Variants in ITIH6 observed in about 807,000 individuals in gnomAD.
The protein encoded by ITIH6 is inter-alpha-trypsin inhibitor heavy chain H6.
A neutral mutation model predicts 58.2 loss-of-function variants in ITIH6; 60 were observed. The ratio of observed to expected loss-of-function variants is 1.03; its 90% CI spans 0.84 to 1.28. ITIH6 has a LOEUF of 1.28. ITIH6 is among the 50% of genes most tolerant of loss of function. The pLI is 0.00. For missense variants in ITIH6, 1,290 were observed against 1,021.1 expected, an observed-to-expected ratio of 1.26 and a Z score of -3.59; for synonymous variants, 493 against 417.4, an observed-to-expected ratio of 1.18 and a Z score of -2.21.
chrX:54,760,005 G>A, intron 6 of ITIH6, 78 bp from the exon 7 acceptor site: 1 of 783,958 alleles, frequency 1.3e-6, no homozygotes, highest in Non-Finnish European at 1.9e-6. Flanking sequence ...TCTACACAAG[G>A]CATTAACATC....
rs763491764 is a variant in ITIH6, at chrX:54,790,385, G to C, written c.616+452C>G. ...CATTTGAAGCAAACTTCTGAGGCAG[G>C]ATGCTTCTCTTCCCTCCAGGGCCTG... On this transcript the variant is annotated intron_variant, in intron 4 of 12. Coordinates refer to ENST00000218436, the MANE Select transcript of ITIH6 (RefSeq NM_198510.3). Among the ~76,000 whole-genome samples, 151 of 112,215 alleles carry C rather than the reference G, an allele frequency of 1.3e-3. 2 individuals carry two copies. The highest frequency in any genetic ancestry group is 4.4e-3 in the African/African-American group (135 of 30,941).
chrX:54,765,791 G>A (rs1469436153), intron 6 of ITIH6, among the ~76,000 whole-genome samples: 1 of 109,238 alleles, frequency 9.2e-6, no homozygotes, highest in Non-Finnish European at 1.9e-5. Context: ...TTTGGTTACT[G>A]TAGCCTTGTA....
rs758641052 is a variant in ITIH6 at position 54,796,457 on chromosome X, G to A, written c.257+485C>T. On this transcript the variant is annotated intron_variant, in intron 2 of 12. Transcript: ENST00000218436. ...TCCCAGCACTTTGGGAGGCCGAGGT[G>A]GGCAGATCACGAGGTCAGAGATTGA... Among the ~76,000 whole-genome samples the A allele has an allele frequency of 4.5e-5, 5 of 110,628 alleles. No homozygotes were observed. In the East Asian group the frequency reaches 1.4e-3, roughly 31 times the overall value.
chrX:54,760,709 T>A (rs1272764730), intron 6 of ITIH6, among the ~76,000 whole-genome samples: 1 of 111,403 alleles, frequency 9.0e-6, no homozygotes, highest in Non-Finnish European at 1.9e-5. Flanking sequence ...GTCCTTGAGA[T>A]AGTTAGCTGA....
chrX:54,785,160 A>C lies in ITIH6; in HGVS notation c.786+3320T>G, dbSNP rs563154549. Among the ~76,000 whole-genome samples the C allele has an allele frequency of 1.7e-4, 17 of 101,527 alleles. No homozygotes were observed. In the South Asian group the frequency reaches 4.7e-3, roughly 28 times the overall value. The allele number at this position is 101,527 out of a possible 115,157, so 88.2% of individuals were successfully genotyped here. On this transcript the variant is annotated intron_variant, in intron 5 of 12. Transcript: ENST00000218436. ...GGATCTAAAAAATGAAAGCCGTTGA[A>C]CTCATGGAGATAGAGAGTAGAAGAG...
In ITIH6 at chrX:54,749,835, C is replaced by T; in HGVS notation, c.*60G>A. 1.9e-6 allele frequency: 2 copies of T among 1,027,829 alleles called. No homozygotes were observed. The highest frequency in any genetic ancestry group is 2.7e-6 in the Non-Finnish European group (2 of 748,121). 84.7% of individuals were successfully genotyped at this position (1,027,829 alleles called of 1,213,427 possible). A position where few individuals can be genotyped will look rare whatever the true frequency, so the allele number is the denominator to read the frequency against. ...TTGGGTCTCTGTCCCTGGCTCACCC[C>T]ATGCCCTGGTTTCTGGATCTCCCAA... On this transcript the variant is annotated 3_prime_UTR_variant, in exon 13 of 13. Transcript: ENST00000218436.
intron 5 of ITIH6, among the ~76,000 whole-genome samples, chrX:54,777,367 G>T (rs189081823): frequency 1.8e-5 from 2 of 112,898 alleles, no homozygotes; most frequent in East Asian, 5.6e-4. Context: ...TCCACCTAGG[G>T]CCTGAAGGAA....
chrX:54,784,516 C>T (rs1456039103), intron 5 of ITIH6, among the ~76,000 whole-genome samples: 1 of 111,395 alleles, frequency 9.0e-6, no homozygotes, highest in Non-Finnish European at 1.9e-5. Context: ...AAAATCCAAT[C>T]AAAAAAGGGC....
At position 54,757,578 on chromosome X, in the gene ITIH6, C is replaced by G; in HGVS notation, c.2496G>C (p.Lys832Asn). ...LHTRPRVPAP[K>N]TRNNMPHLGP... ...CCAGGTGTGGCATGTTGTTTCGGGT[C>G]TTGGGAGCAGGAACCCTAGGTCTGG... The change falls in exon 8 of 13, where the codon AAG becomes AAC. Residue 832 changes from lysine to asparagine, a missense_variant. Lys to Asn is a moderately conservative substitution (Grantham distance 94). Coordinates refer to ENST00000218436, the MANE Select transcript of ITIH6 (RefSeq NM_198510.3). 4 of 1,210,770 alleles carry G rather than the reference C, an allele frequency of 3.3e-6. No individual in the cohort carries two copies. The highest frequency in any genetic ancestry group is 3.4e-6 in the Non-Finnish European group (3 of 895,132).
intron 5 of ITIH6, among the ~76,000 whole-genome samples, chrX:54,782,437 TA>T (rs1247270858): frequency 3.6e-5 from 4 of 110,537 alleles, no homozygotes; most frequent in Non-Finnish European, 7.6e-5. Context: ...TAATAATAAT[TA>T]AATAAAAATA....
At chrX:54,750,266 C>G (rs1928327197) in intron 12 of ITIH6, among the ~76,000 whole-genome samples, 160 bp from the exon 13 acceptor site, 1 of 111,052 alleles carries the variant, frequency 9.0e-6, no homozygotes, top group Non-Finnish European at 1.9e-5. Flanking sequence ...GGGAACTGTA[C>G]AGGAGCCAGA....
chrX:54,776,452 T>G (rs1265955819), intron 5 of ITIH6, among the ~76,000 whole-genome samples: 1 of 109,987 alleles, frequency 9.1e-6, no homozygotes, highest in Non-Finnish European at 1.9e-5. Flanking sequence ...CCTACCGAGA[T>G]AGCAGCTAGG....
At chrX:54,770,730 A>G (rs1314410285) in intron 6 of ITIH6, among the ~76,000 whole-genome samples, 1 of 112,340 alleles carries the variant, frequency 8.9e-6, no homozygotes, top group Non-Finnish European at 1.9e-5. Context: ...TTGAAAAAAT[A>G]TTATCTGTTA....
chrX:54,751,224 C>T lies in ITIH6; in HGVS notation c.3509G>A (p.Gly1170Asp), dbSNP rs35355718. Residue 1170 changes from glycine (G) to aspartate (D), a missense_variant, in exon 12 of 13, where the codon GGT becomes GAT. Transcript: ENST00000218436. ...SRSSISLRGE[G>D]TLRLSWDQPA... ...TTGGTCCCAGGACAGGCGCAAGGTA[C>T]CCTCGCCTCGCAAAGATATAGAACT... is the stretch of plus-strand genomic sequence containing the variant. 1.4e-5 allele frequency: 17 copies of T among 1,210,059 alleles called. No individual in the cohort carries two copies. Among genetic ancestry groups the T allele is most frequent in the South Asian group, 1.2e-4 (7 of 56,790 alleles).
intron 6 of ITIH6, among the ~76,000 whole-genome samples, chrX:54,772,429 T>A (rs1179939286): frequency 1.8e-5 from 2 of 112,139 alleles, no homozygotes; most frequent in Admixed American, 1.9e-4. Flanking sequence ...CAAAATAATC[T>A]GTACACCAAA....
intron 11 of ITIH6, among the ~76,000 whole-genome samples, chrX:54,752,039 C>T (rs1011630232): frequency 9.0e-6 from 1 of 111,558 alleles, no homozygotes; most frequent in African/African-American, 3.3e-5. Flanking sequence ...TTGTGTATAT[C>T]TGGGCATGTG....
At chrX:54,781,790 C>A (rs1190634108) in intron 5 of ITIH6, among the ~76,000 whole-genome samples, 3 of 112,228 alleles carry the variant, frequency 2.7e-5, no homozygotes, top group African/African-American at 9.7e-5. Context: ...CATGTATGTC[C>A]ATTGCAGCAC....
chrX:54,794,436 A>T (rs1016135741), intron 2 of ITIH6, among the ~76,000 whole-genome samples: 1 of 111,095 alleles, frequency 9.0e-6, no homozygotes, highest in African/African-American at 3.3e-5. Flanking sequence ...TTAGCCCCCC[A>T]TAGTCCAAAC....
rs1331180014 is a variant in ITIH6, at chrX:54,749,523, A to T, written c.*372T>A. ...GCACATGCAATGGTCCAGTGGTAGG[A>T]GTGAGCATGGTTTGTTAGGGAAACT... On this transcript the variant is annotated 3_prime_UTR_variant, in exon 13 of 13. Coordinates refer to ENST00000218436, the MANE Select transcript of ITIH6 (RefSeq NM_198510.3). 6.3e-6 allele frequency: 1 copy of T among 157,890 alleles called. No individual in the cohort carries two copies. Among genetic ancestry groups the T allele is most frequent in the East Asian group, 1.5e-4 (1 of 6,724 alleles). 13.0% of individuals were successfully genotyped at this position (157,890 alleles called of 1,213,427 possible). A position where few individuals can be genotyped will look rare whatever the true frequency, so the allele number is the denominator to read the frequency against.
Sources: allele counts gnomAD v4.1 joint callset (sites outside exome capture counted in the v4.1 genomes callset), GRCh38; gene constraint gnomAD v4.1.1; transcripts MANE v1.5; gene names NCBI Gene and HGNC (gene_info 2026-07-23, HGNC 2026-07-21).